The following GPC5 variants were observed in gnomAD, a reference collection of about 807,000 sequenced individuals.
GPC5 encodes the protein glypican-5.
GPC5 carries 47 observed loss-of-function variants against 53.9 expected under a neutral mutation model. That is an observed-to-expected ratio of 0.87 (90% CI 0.69 to 1.11). The LOEUF (loss-of-function observed/expected upper bound fraction) is 1.11. Ranked by LOEUF, GPC5 falls within the 50% of genes most tolerant of loss-of-function variation. The probability of loss-of-function intolerance (pLI) is 0.00; values close to 1 mark genes in which losing one functional copy is unlikely to be tolerated. For missense variants in GPC5, 748 were observed against 713.1 expected (o/e 1.05, Z -0.56); for synonymous variants, 286 against 263.3 (o/e 1.09, Z -0.84).
intron 6 of GPC5, among the ~76,000 whole-genome samples, chr13:91,968,489 T>G (rs2040210767): frequency 6.6e-6 from 1 of 152,120 alleles, no homozygotes. Context: ...TGAGATGGAG[T>G]CTTGCTCTGT....
chr13:91,919,976 A>G (rs2039695513), intron 6 of GPC5, among the ~76,000 whole-genome samples: 1 of 152,184 alleles, frequency 6.6e-6, no homozygotes, highest in African/African-American at 2.4e-5. Context: ...CCCAGTGGGA[A>G]GGTAACTCCC....
intron 7 of GPC5, among the ~76,000 whole-genome samples, chr13:92,349,388 G>C (rs946337105): frequency 6.6e-6 from 1 of 151,358 alleles, no homozygotes; most frequent in Non-Finnish European, 1.5e-5. Context: ...CAGGTGATTT[G>C]CCCGCCTTGG....
At chr13:92,551,618 T>C (rs1882315788) in intron 7 of GPC5, among the ~76,000 whole-genome samples, 1 of 151,904 alleles carries the variant, frequency 6.6e-6, no homozygotes, top group East Asian at 1.9e-4. Context: ...TTAGATTTGG[T>C]GTGGCAGAGC....
rs1449401726 is a variant in GPC5 at position 92,162,147 on chromosome 13, T to C, written c.1561+17158T>C. Reference sequence around the variant, plus strand: ...TTTCCCTGAAGTCTAAACTGCATTATGATGCTCACATAAGAACATTGTACT... The same window carrying C: ...TTTCCCTGAAGTCTAAACTGCATTACGATGCTCACATAAGAACATTGTACT... On this transcript the variant is annotated intron_variant, in intron 7 of 7. Coordinates refer to ENST00000377067, the MANE Select transcript of GPC5 (RefSeq NM_004466.6). Among the ~76,000 whole-genome samples, 5 of 151,960 alleles carry C rather than the reference T, an allele frequency of 3.3e-5. No homozygotes were observed. The East Asian group carries it at 9.7e-4, about 29-fold the overall frequency.
At position 91,803,750 on chromosome 13, in the gene GPC5, A is replaced by C. The variant is rs531505548; in HGVS notation, c.1280+47330A>C. 3.4e-5 allele frequency among the ~76,000 whole-genome samples: 5 copies of C among 149,108 alleles called. No homozygotes were observed. In the South Asian group the frequency reaches 1.1e-3, roughly 33 times the overall value. ...AGTTGCCTCTGGTAGACATTCTAGAAACATATATAACAGAGACAGACAGAC... is the reference window on the plus strand; with the variant it reads ...AGTTGCCTCTGGTAGACATTCTAGACACATATATAACAGAGACAGACAGAC... On this transcript the variant is annotated intron_variant, in intron 5 of 7. Coordinates refer to ENST00000377067, the MANE Select transcript of GPC5 (RefSeq NM_004466.6).
At chr13:91,596,902 G>C (rs1409957805) in intron 2 of GPC5, among the ~76,000 whole-genome samples, 1 of 152,062 alleles carries the variant, frequency 6.6e-6, no homozygotes, top group African/African-American at 2.4e-5. Flanking sequence ...CAATATTCTG[G>C]TGAATACTCC....
chr13:92,642,066 T>C (rs1337765181), intron 7 of GPC5, among the ~76,000 whole-genome samples: 1 of 152,040 alleles, frequency 6.6e-6, no homozygotes, highest in Non-Finnish European at 1.5e-5. Context: ...GAAAAAAAAA[T>C]ATTTCAAAAA....
intron 2 of GPC5, among the ~76,000 whole-genome samples, chr13:91,676,929 A>C (rs776325788): frequency 6.6e-6 from 1 of 152,204 alleles, no homozygotes; most frequent in Non-Finnish European, 1.5e-5. Context: ...AACCAAGTAC[A>C]CAATCTGTAT....
intron 7 of GPC5, among the ~76,000 whole-genome samples, chr13:92,438,408 ATT>A (rs1300866164): frequency 1.5e-5 from 2 of 135,098 alleles, no homozygotes; most frequent in South Asian, 2.4e-4. Flanking sequence ...ATATATATAT[ATT>A]ACGAGACATG....
chr13:92,213,060 G>T (rs903341765), intron 7 of GPC5, among the ~76,000 whole-genome samples: 1 of 152,170 alleles, frequency 6.6e-6, no homozygotes. Context: ...GATACAAACT[G>T]CAATTCTGCT....
intron 7 of GPC5, among the ~76,000 whole-genome samples, chr13:92,182,526 G>A (rs898388166): frequency 2.0e-5 from 3 of 152,118 alleles, no homozygotes; most frequent in African/African-American, 7.2e-5. Flanking sequence ...ATGTAAAATT[G>A]TTATGCCAAA....
At position 91,920,463 on chromosome 13, in the gene GPC5, G is replaced by A. The variant is rs187745471; in HGVS notation, c.1401+12406G>A. ...TGGAGAACAGAACTAAACTAATAAAGAGAATGAATTTATCAAGTAAGTAAT... is the reference window on the plus strand; with the variant it reads ...TGGAGAACAGAACTAAACTAATAAAAAGAATGAATTTATCAAGTAAGTAAT... On this transcript the variant is annotated intron_variant, in intron 6 of 7. Coordinates refer to ENST00000377067, the MANE Select transcript of GPC5 (RefSeq NM_004466.6). Among the ~76,000 whole-genome samples, 94 of 152,266 alleles carry A rather than the reference G, an allele frequency of 6.2e-4. 3 individuals are homozygous for A. Among genetic ancestry groups the A allele is most frequent in the Non-Finnish European group, 1.2e-4 (8 of 68,014 alleles).
At chr13:91,639,699 G>A (rs2034374155) in intron 2 of GPC5, among the ~76,000 whole-genome samples, 2 of 152,156 alleles carry the variant, frequency 1.3e-5, no homozygotes, top group Non-Finnish European at 2.9e-5. Context: ...TGGGCCGAAA[G>A]GGATGGTGGC....
At chr13:91,407,326 GA>G (rs1425556217) in intron 1 of GPC5, among the ~76,000 whole-genome samples, 4 of 152,102 alleles carry the variant, frequency 2.6e-5, no homozygotes, top group Admixed American at 6.5e-5. Flanking sequence ...TAACATTTTT[GA>G]AATGGAGTAA....
intron 2 of GPC5, among the ~76,000 whole-genome samples, chr13:91,464,422 C>T (rs530479680): frequency 3.3e-5 from 5 of 152,166 alleles, no homozygotes; most frequent in Non-Finnish European, 5.9e-5. Context: ...GAACTATACA[C>T]GAATGTTCAT....
chr13:92,842,753 A>G (rs568732359), intron 7 of GPC5, among the ~76,000 whole-genome samples: 9 of 152,270 alleles, frequency 5.9e-5, no homozygotes, highest in African/African-American at 2.2e-4. Context: ...AATTAGAAAA[A>G]CAGAAATATA....
At chr13:92,224,012 A>G (rs2042467091) in intron 7 of GPC5, among the ~76,000 whole-genome samples, 1 of 152,178 alleles carries the variant, frequency 6.6e-6, no homozygotes, top group Non-Finnish European at 1.5e-5. Context: ...GTATACACGC[A>G]TGTTGAAACT....
At chr13:92,246,516 C>T (rs1304292803) in intron 7 of GPC5, among the ~76,000 whole-genome samples, 1 of 152,078 alleles carries the variant, frequency 6.6e-6, no homozygotes, top group Non-Finnish European at 1.5e-5. Context: ...CCCATCTTTA[C>T]AAACCATCCT....
At chr13:92,630,250 G>A (rs1164865307) in intron 7 of GPC5, among the ~76,000 whole-genome samples, 2 of 152,132 alleles carry the variant, frequency 1.3e-5, no homozygotes, top group Admixed American at 6.5e-5. Flanking sequence ...GCACAGGGAA[G>A]TAACAGATGT....
Sources: gnomAD v4.1 joint callset for allele counts (sites outside exome capture counted in the v4.1 genomes callset) on GRCh38, gnomAD v4.1.1 for gene constraint, MANE v1.5 for transcripts, NCBI Gene and HGNC (gene_info 2026-07-23, HGNC 2026-07-21) for gene names.